The following CDH18 variants were observed in gnomAD, a reference collection of about 807,000 sequenced individuals.
CDH18 encodes the protein cadherin-18.
Under a neutral mutation model 67.9 loss-of-function variants are expected in CDH18, and 31 were observed. The observed-to-expected ratio is 0.46, with a 90% CI of 0.34 to 0.62. CDH18 has a LOEUF of 0.62. Among genes scored for constraint, CDH18 ranks in the 20% least tolerant of loss-of-function variants. The probability of loss-of-function intolerance (pLI) is 0.01; values close to 1 mark genes in which losing one functional copy is unlikely to be tolerated. For synonymous variants in CDH18, 362 were observed against 347.2 expected (o/e 1.04, Z -0.48); for missense variants, 890 against 975.5 (o/e 0.91, Z 1.17).
intron 2 of CDH18, among the ~76,000 whole-genome samples, chr5:20,230,712 A>C (rs540215245): frequency 6.6e-5 from 10 of 152,090 alleles, no homozygotes; most frequent in Non-Finnish European, 1.2e-4. Context: ...TCACCCTTCA[A>C]GTTTATTCAA....
intron 2 of CDH18, among the ~76,000 whole-genome samples, chr5:19,941,290 TG>T (rs1794789349): frequency 6.6e-6 from 1 of 152,116 alleles, no homozygotes; most frequent in Admixed American, 6.6e-5. Context: ...CCTCTAAAAC[TG>T]TGAGAAATGA....
chr5:19,785,224 A>T (rs1241816031), intron 3 of CDH18, among the ~76,000 whole-genome samples: 1 of 152,150 alleles, frequency 6.6e-6, no homozygotes, highest in African/African-American at 2.4e-5. Context: ...AGAATATGAG[A>T]TAATAAATAT....
chr5:19,573,451 TG>T (rs1741799367), intron 7 of CDH18, among the ~76,000 whole-genome samples: 1 of 152,148 alleles, frequency 6.6e-6, no homozygotes, highest in Non-Finnish European at 1.5e-5. Flanking sequence ...GCTAATTTTT[TG>T]TATTTTTAGT....
intron 1 of CDH18, among the ~76,000 whole-genome samples, chr5:20,295,040 A>T (rs1200273571): frequency 6.6e-6 from 1 of 152,208 alleles, no homozygotes; most frequent in African/African-American, 2.4e-5. Context: ...TAATTTAGAA[A>T]ATAAAAGTAT....
At chr5:20,424,745 TAAAAAAAAA>T (rs67349001) in intron 1 of CDH18, among the ~76,000 whole-genome samples, 10 of 42,908 alleles carry the variant, frequency 2.3e-4, no homozygotes, top group African/African-American at 4.6e-4. Context: ...AGACTCTGTC[TAAAAAAAAA>T]AAAAAAAAAA....
intron 1 of CDH18, among the ~76,000 whole-genome samples, chr5:20,429,336 A>G (rs1748563608): frequency 6.6e-6 from 1 of 152,172 alleles, no homozygotes; most frequent in Non-Finnish European, 1.5e-5. Context: ...AGCAGAGAGA[A>G]AGAGGAGAAT....
intron 7 of CDH18, among the ~76,000 whole-genome samples, chr5:19,582,433 C>T (rs895729481): frequency 3.3e-5 from 5 of 151,936 alleles, no homozygotes; most frequent in Non-Finnish European, 7.4e-5. Context: ...TTACTCCAGG[C>T]TCATCATTAT....
At chr5:19,553,649 T>G (rs1402952124) in intron 8 of CDH18, among the ~76,000 whole-genome samples, 1 of 148,090 alleles carries the variant, frequency 6.8e-6, no homozygotes, top group Non-Finnish European at 1.5e-5. Flanking sequence ...TTTTTTTTTT[T>G]TTTTTTTGAG....
At position 20,305,029 on chromosome 5, in the gene CDH18, G is replaced by A. The variant is rs1011563763; in HGVS notation, c.-579-49524C>T. 9 of 1,610,736 alleles carry A rather than the reference G, an allele frequency of 5.6e-6. No homozygotes were observed. In the Admixed American group the frequency reaches 1.2e-4, roughly 21 times the overall value. ...TTTACTGGAAGCAAGGCCAGAGGAG[G>A]AGGGCTGCTGACTGTCCCCATTAGT... On this transcript the variant is annotated intron_variant, in intron 1 of 14. Transcript: ENST00000507958.
chr5:19,568,256 G>T (rs189027066), intron 8 of CDH18, among the ~76,000 whole-genome samples: 4 of 151,980 alleles, frequency 2.6e-5, no homozygotes, highest in Admixed American at 6.6e-5. Context: ...CCCCAAATTC[G>T]TATAGTAAAC....
Position 20,353,235 on chromosome 5 carries a change from G to C in CDH18, c.-579-97730C>G, listed in dbSNP as rs184875428. Among the ~76,000 whole-genome samples, 54 of 152,028 alleles carry C rather than the reference G, an allele frequency of 3.6e-4. No homozygotes were observed. In the South Asian group the frequency reaches 9.4e-3, roughly 26 times the overall value. On this transcript the variant is annotated intron_variant, in intron 1 of 14. Coordinates refer to the CDH18 transcript ENST00000507958. ...ATTTGGTTTTCGTGTTTTGCTTTTG[G>C]CAGCTTACCTGTAAGTGCCCAAGTG...
chr5:19,839,359 A>C, intron 2 of CDH18, 117 bp from the exon 3 acceptor site: 2 of 218,292 alleles, frequency 9.2e-6, no homozygotes, highest in Non-Finnish European at 1.9e-5. Context: ...CATATGCAAA[A>C]TCTCTAGGAC....
At chr5:20,528,262 A>AT (rs1554014709) in intron 1 of CDH18, among the ~76,000 whole-genome samples, 1 of 150,538 alleles carries the variant, frequency 6.6e-6, no homozygotes, top group Non-Finnish European at 1.5e-5. Context: ...GATTCATAAA[A>AT]CAAGACCTAC....
chr5:20,501,923 A>C (rs1754360470), intron 1 of CDH18, among the ~76,000 whole-genome samples: 1 of 151,084 alleles, frequency 6.6e-6, no homozygotes, highest in Non-Finnish European at 1.5e-5. Flanking sequence ...CACACATTTT[A>C]TTATTTCAAG....
chr5:19,570,037 T>C (rs1427096281), intron 8 of CDH18, among the ~76,000 whole-genome samples: 1 of 152,160 alleles, frequency 6.6e-6, no homozygotes, highest in Non-Finnish European at 1.5e-5. Flanking sequence ...TATCATGACC[T>C]ATCTCTATTC....
At chr5:19,770,467 G>C (rs1005568545) in intron 3 of CDH18, among the ~76,000 whole-genome samples, 1 of 152,034 alleles carries the variant, frequency 6.6e-6, no homozygotes, top group Non-Finnish European at 1.5e-5. Flanking sequence ...TTTTAACATA[G>C]TTTTCTAATG....
intron 2 of CDH18, among the ~76,000 whole-genome samples, chr5:20,023,652 C>G (rs1166609821): frequency 3.2e-5 from 3 of 94,144 alleles, no homozygotes; most frequent in Non-Finnish European, 4.3e-5. Flanking sequence ...GAGCGAGACT[C>G]CGTCTCAAAA....
At chr5:19,486,481 C>T (rs112666222) in intron 11 of CDH18, among the ~76,000 whole-genome samples, 30 of 151,794 alleles carry the variant, frequency 2.0e-4, no homozygotes, top group East Asian at 9.7e-4. Context: ...ATCTCTAATG[C>T]GATATACAAT....
At position 20,531,542 on chromosome 5, in the gene CDH18, G is replaced by A. The variant is rs149696141; in HGVS notation, c.-580+43920C>T. Among the ~76,000 whole-genome samples, 760 of 152,100 alleles carry A rather than the reference G, an allele frequency of 5.0e-3. 15 individuals are homozygous for A. The highest frequency in any genetic ancestry group is 0.018 in the African/African-American group (727 of 41,446). On this transcript the variant is annotated intron_variant, in intron 1 of 14. Coordinates refer to the CDH18 transcript ENST00000507958. ...AGAAAACATGATACATATACACCAT[G>A]GAATACCATGCAGCCATAAAAAGGA...
Sources: gnomAD v4.1 joint callset for allele counts (sites outside exome capture counted in the v4.1 genomes callset) on GRCh38, gnomAD v4.1.1 for gene constraint, MANE v1.5 for transcripts, NCBI Gene and HGNC (gene_info 2026-07-23, HGNC 2026-07-21) for gene names.